TSHZ2: variants seen among roughly 807,000 people sequenced by gnomAD.
TSHZ2 encodes teashirt zinc finger homeobox 2.
TSHZ2 carries 21 observed loss-of-function variants against 74.4 expected under a neutral mutation model. The observed-to-expected ratio is 0.28, with a 90% CI of 0.20 to 0.41. TSHZ2 has a LOEUF of 0.41. Ranked by LOEUF, TSHZ2 falls within the 10% of genes least tolerant of loss-of-function variation. The pLI is 1.00. For synonymous variants in TSHZ2, 540 were observed against 515.3 expected, an observed-to-expected ratio of 1.05 and a Z score of -0.65; for missense variants, 1,244 against 1,293.5, an observed-to-expected ratio of 0.96 and a Z score of 0.59.
chr20:53,050,199 A>T (rs568976695), intron 1 of TSHZ2, among the ~76,000 whole-genome samples: 3 of 146,728 alleles, frequency 2.0e-5, no homozygotes, highest in African/African-American at 7.5e-5. Context: ...ATATATATAT[A>T]TGTATGTATA....
At chr20:53,116,958 TGA>T (rs1164720170) in intron 1 of TSHZ2, among the ~76,000 whole-genome samples, 3 of 151,966 alleles carry the variant, frequency 2.0e-5, no homozygotes, top group African/African-American at 7.3e-5. Context: ...TGGGTTCTGG[TGA>T]GGGCCCTCCT....
At chr20:53,293,778 G>C (rs146268064) in intron 2 of TSHZ2, among the ~76,000 whole-genome samples, 6,163 of 151,706 alleles carry the variant, frequency 0.041, 430 homozygotes, top group African/African-American at 0.14. Flanking sequence ...AGCACTTTGG[G>C]AAGCCAAGGC....
At chr20:53,348,234 G>T (rs916997500) in intron 2 of TSHZ2, among the ~76,000 whole-genome samples, 1 of 152,158 alleles carries the variant, frequency 6.6e-6, no homozygotes, top group African/African-American at 2.4e-5. Flanking sequence ...ATAGCCAAAA[G>T]GTGTCCATAT....
At chr20:53,423,037 A>C (rs1983533205) in intron 2 of TSHZ2, among the ~76,000 whole-genome samples, 1 of 152,186 alleles carries the variant, frequency 6.6e-6, no homozygotes, top group Non-Finnish European at 1.5e-5. Context: ...ATTTGCCCAA[A>C]AAATCACAAA....
At chr20:53,118,776 G>T (rs1328112993) in intron 1 of TSHZ2, among the ~76,000 whole-genome samples, 1 of 152,112 alleles carries the variant, frequency 6.6e-6, no homozygotes, top group Non-Finnish European at 1.5e-5. Flanking sequence ...CATCTTGGTG[G>T]GTGTACTAGT....
chr20:53,346,734 C>T (rs1021719660), intron 2 of TSHZ2, among the ~76,000 whole-genome samples: 10 of 152,258 alleles, frequency 6.6e-5, no homozygotes, highest in Non-Finnish European at 1.5e-5. Flanking sequence ...AGAGAAACGT[C>T]GCAACTGCGT....
At chr20:53,155,052 A>ATTTTTTTT (rs11475183) in intron 1 of TSHZ2, among the ~76,000 whole-genome samples, 78 of 118,054 alleles carry the variant, frequency 6.6e-4, no homozygotes, top group African/African-American at 7.9e-4. Context: ...TTGAATATGC[A>ATTTTTTTT]TTTTTTTTTT....
chr20:53,463,738 G>A (rs141031733), intron 2 of TSHZ2, among the ~76,000 whole-genome samples: 86 of 152,286 alleles, frequency 5.6e-4, no homozygotes, highest in African/African-American at 2.0e-3. Flanking sequence ...GGCATCCACA[G>A]GTGACTCCTA....
At position 53,073,280 on chromosome 20, in the gene TSHZ2, TCATC is replaced by T. The variant is rs1985249399; in HGVS notation, c.40+99957_40+99960del. Among the ~76,000 whole-genome samples, 8 of 112,066 alleles carry T rather than the reference TCATC, an allele frequency of 7.1e-5. No homozygotes were observed. The South Asian group carries it at 2.0e-3, about 28-fold the overall frequency. The allele number at this position is 112,066 out of a possible 152,430, so 73.5% of individuals were successfully genotyped here. A position where few individuals can be genotyped will look rare whatever the true frequency, so the allele number is the denominator to read the frequency against. ...TCCTTCCATCCATCCATCCCTCCAT[TCATC>T]CATCCATCCCTTCATCCATCCATCC... On this transcript the variant is annotated intron_variant, in intron 1 of 2. Transcript: ENST00000371497.
intron 1 of TSHZ2, among the ~76,000 whole-genome samples, chr20:53,201,771 TG>T (rs1989013742): frequency 6.6e-6 from 1 of 152,138 alleles, no homozygotes; most frequent in Non-Finnish European, 1.5e-5. Context: ...GATGGGGAGC[TG>T]CTCTATGCAT....
intron 1 of TSHZ2, among the ~76,000 whole-genome samples, chr20:53,105,936 A>G (rs2123306802): frequency 6.6e-6 from 1 of 152,354 alleles, no homozygotes; most frequent in East Asian, 1.9e-4. Context: ...GGCATGAGCC[A>G]CCGCACCCAG....
At chr20:53,102,544 C>T (rs937649088) in intron 1 of TSHZ2, among the ~76,000 whole-genome samples, 2 of 151,784 alleles carry the variant, frequency 1.3e-5, no homozygotes, top group Non-Finnish European at 2.9e-5. Context: ...TTAATAAGAC[C>T]GTAAAGAGTG....
chr20:53,432,382 C>T (rs1983877463), intron 2 of TSHZ2, among the ~76,000 whole-genome samples: 1 of 152,210 alleles, frequency 6.6e-6, no homozygotes, highest in Non-Finnish European at 1.5e-5. Context: ...AGTTGATGGG[C>T]ACTTAGGTTG....
chr20:53,304,788 C>T (rs1225956839), intron 2 of TSHZ2, among the ~76,000 whole-genome samples: 4 of 152,034 alleles, frequency 2.6e-5, no homozygotes, highest in African/African-American at 9.7e-5. Flanking sequence ...CGCACCACCA[C>T]GCCCAGCTAA....
At chr20:53,446,257 G>C (rs552378031) in intron 2 of TSHZ2, among the ~76,000 whole-genome samples, 1 of 152,016 alleles carries the variant, frequency 6.6e-6, no homozygotes. Flanking sequence ...CCTTGAAACA[G>C]GAAGTGAATA....
chr20:53,444,362 C>T (rs541300707), intron 2 of TSHZ2, among the ~76,000 whole-genome samples: 7 of 152,284 alleles, frequency 4.6e-5, no homozygotes, highest in African/African-American at 1.4e-4. Flanking sequence ...CTGGTGGCTA[C>T]CCCTTTCCCA....
intron 2 of TSHZ2, among the ~76,000 whole-genome samples, chr20:53,306,587 G>GA (rs1007537313): frequency 1.0e-4 from 15 of 150,620 alleles, no homozygotes; most frequent in African/African-American, 2.9e-4. Flanking sequence ...CCTCGCGGAG[G>GA]AAAAAAAAAT....
At chr20:53,048,644 G>A (rs565299595) in intron 1 of TSHZ2, among the ~76,000 whole-genome samples, 5 of 152,226 alleles carry the variant, frequency 3.3e-5, no homozygotes. Flanking sequence ...TCTCCATAGA[G>A]AGCCCCACCA....
chr20:52,995,828 G>T (rs1329396454), intron 1 of TSHZ2, among the ~76,000 whole-genome samples: 2 of 151,244 alleles, frequency 1.3e-5, no homozygotes, highest in Non-Finnish European at 2.9e-5. Flanking sequence ...TGCCATGTTG[G>T]CCAGGCTGGT....
Sources: allele counts gnomAD v4.1 joint callset (sites outside exome capture counted in the v4.1 genomes callset), GRCh38; gene constraint gnomAD v4.1.1; transcripts MANE v1.5; gene names NCBI Gene and HGNC (gene_info 2026-07-23, HGNC 2026-07-21).